Variants in EP300 observed in about 807,000 individuals in gnomAD.
EP300 encodes the protein EP300 lysine acetyltransferase, also known as histone acetyltransferase p300.
EP300 carries 31 observed loss-of-function variants against 264.0 expected under a neutral mutation model. That is an observed-to-expected ratio of 0.12 (90% CI 0.09 to 0.16). The LOEUF (loss-of-function observed/expected upper bound fraction) is 0.16, where lower values mean the gene tolerates loss of function less well. Ranked by LOEUF, EP300 falls within the 10% of genes least tolerant of loss-of-function variation. The pLI is 1.00. For missense variants in EP300, 2,766 were observed against 3,052.9 expected, an observed-to-expected ratio of 0.91 and a Z score of 2.21; for synonymous variants, 1,340 against 1,045.4, an observed-to-expected ratio of 1.28 and a Z score of -5.44.
intron 10 of EP300, among the ~76,000 whole-genome samples, chr22:41,146,165 ATT>A (rs130087): frequency 4.3e-5 from 6 of 139,066 alleles, no homozygotes; most frequent in Non-Finnish European, 6.2e-5. Context: ...GATGGCCTCA[ATT>A]TTTTTTTTTT....
intron 1 of EP300, among the ~76,000 whole-genome samples, chr22:41,106,903 C>A (rs1191757955): frequency 6.6e-6 from 1 of 152,004 alleles, no homozygotes; most frequent in Non-Finnish European, 1.5e-5. Context: ...GGCCTAAAAG[C>A]ATTTTTTTAT....
intron 6 of EP300, among the ~76,000 whole-genome samples, chr22:41,135,556 T>G (rs779754584): frequency 6.6e-6 from 1 of 151,892 alleles, no homozygotes; most frequent in Non-Finnish European, 1.5e-5. Flanking sequence ...CTGCGCCTGG[T>G]CACATTTGCT....
rs958598602 is a variant in EP300 at position 41,158,560 on chromosome 22, G to T, written c.3590+60G>T. ...GTCCACATGTCCAGGGAGTGCATGC[G>T]GATGGGCCAGCACACATACAGTCAT... On this transcript the variant is annotated intron_variant, in intron 19 of 30. Coordinates refer to ENST00000263253, the MANE Select transcript of EP300 (RefSeq NM_001429.4). The T allele has an allele frequency of 7.6e-6, 10 of 1,322,318 alleles. No homozygotes were observed. The Admixed American group carries it at 8.7e-5, about 12-fold the overall frequency. 81.9% of individuals were successfully genotyped at this position (1,322,318 alleles called of 1,614,324 possible).
At chr22:41,140,408 AC>A (rs1338411813) in intron 9 of EP300, 151 bp downstream of exon 9, 1 of 756,808 alleles carries the variant, frequency 1.3e-6, no homozygotes, top group Non-Finnish European at 2.4e-6. Flanking sequence ...TAGTTAGGAT[AC>A]CAAAGCAGTT....
At position 41,176,882 on chromosome 22, in the gene EP300, C is replaced by T. The variant is rs775304566; in HGVS notation, c.5171C>T (p.Thr1724Ile). ...DESNNQQAAA[T>I]QSPGDSRRLS... ...AGCAACAACCAGCAGGCTGCAGCCA[C>T]CCAGAGCCCAGGCGATTCTCGCCGC... is the stretch of plus-strand genomic sequence containing the variant. The change falls in exon 31 of 31, where the codon ACC (threonine) becomes ATC (isoleucine). Residue 1724 changes from threonine to isoleucine, a missense_variant. Coordinates refer to ENST00000263253, the MANE Select transcript of EP300 (RefSeq NM_001429.4). 6 of 1,614,136 alleles carry T rather than the reference C, an allele frequency of 3.7e-6. No homozygotes were observed. Among genetic ancestry groups the T allele is most frequent in the Non-Finnish European group, 5.1e-6 (6 of 1,179,988 alleles).
chr22:41,178,103 AGAACAT>A lies in EP300; in HGVS notation c.6396_6401del (p.Met2133_Asn2134del). On this transcript the variant is annotated inframe_deletion, in exon 31 of 31. Transcript: ENST00000263253. Reference sequence around the variant, plus strand: ...GGGGTCCACTCCAATCCAGCCATGCAGAACATGAATCCAATGCAGGCGGGCGTTCAG... The same window carrying A: ...GGGGTCCACTCCAATCCAGCCATGCAGAATCCAATGCAGGCGGGCGTTCAG... 6.2e-7 allele frequency: 1 copy of A among 1,614,114 alleles called. No individual in the cohort carries two copies. Among genetic ancestry groups the A allele is most frequent in the Non-Finnish European group, 8.5e-7 (1 of 1,179,988 alleles).
chr22:41,178,703 T>C lies in EP300; in HGVS notation c.6992T>C (p.Met2331Thr). ...CCCCACTCCAGTCCTTCCCCAAGGA[T>C]GCAGCCTCAGCCTTCTCCACACCAC... ...QPPHSSPSPRMQPQPSPHHVS... is the reference protein window; with the variant it reads ...QPPHSSPSPRTQPQPSPHHVS... The change falls in exon 31 of 31, where the codon ATG becomes ACG. Residue 2331 changes from methionine (M) to threonine (T), a missense_variant. Physicochemically the swap from Met to Thr is moderately conservative, Grantham distance 81 (BLOSUM62 -1). Transcript: ENST00000263253. 1.2e-6 allele frequency: 2 copies of C among 1,614,110 alleles called. No individual in the cohort carries two copies. Among genetic ancestry groups the C allele is most frequent in the Non-Finnish European group, 1.7e-6 (2 of 1,180,016 alleles).
chr22:41,160,571 C>A, intron 19 of EP300, 71 bp from the exon 20 acceptor site: 1 of 1,479,982 alleles, frequency 6.8e-7, no homozygotes, highest in Non-Finnish European at 9.4e-7. Flanking sequence ...TGATTGGTGG[C>A]TTCGTTGCTT....
chr22:41,123,189 A>G (rs1035270451), intron 2 of EP300, among the ~76,000 whole-genome samples: 2 of 152,176 alleles, frequency 1.3e-5, no homozygotes, highest in African/African-American at 4.8e-5. Context: ...ACCAACAGAA[A>G]ATGCCTCTCT....
chr22:41,118,889 C>G (rs1243358825), intron 2 of EP300, among the ~76,000 whole-genome samples: 1 of 151,364 alleles, frequency 6.6e-6, no homozygotes, highest in African/African-American at 2.4e-5. Flanking sequence ...ACTGAGGTGA[C>G]ATGTAGGAAT....
chr22:41,102,854 T>G (rs1322425060), intron 1 of EP300, among the ~76,000 whole-genome samples: 1 of 152,108 alleles, frequency 6.6e-6, no homozygotes, highest in Non-Finnish European at 1.5e-5. Flanking sequence ...GATGATTTAT[T>G]TATTATTTAT....
chr22:41,150,667 TC>T (rs1303854757), intron 14 of EP300, among the ~76,000 whole-genome samples: 5 of 152,054 alleles, frequency 3.3e-5, no homozygotes, highest in African/African-American at 1.2e-4. Context: ...GGCAGGCAGA[TC>T]ACTTGAGGTC....
chr22:41,128,258 C>A (rs1309073636), intron 4 of EP300, among the ~76,000 whole-genome samples: 1 of 152,092 alleles, frequency 6.6e-6, no homozygotes, highest in African/African-American at 2.4e-5. Flanking sequence ...AGTTCAAGAC[C>A]AGCCTGGGCA....
In EP300 at chr22:41,160,634, G is replaced by A. The variant is rs2145752284; in HGVS notation, c.3591-8G>A. ...CAGTTCACCCCAGTATGGCCTTCTT[G>A]CCGACAGGTATCATTTCTGTGAGAA... On this transcript the variant is annotated splice_polypyrimidine_tract_variant and splice_region_variant and intron_variant, in intron 19 of 30. Coordinates refer to ENST00000263253, the MANE Select transcript of EP300 (RefSeq NM_001429.4). The A allele has an allele frequency of 6.2e-7, 1 of 1,613,738 alleles. No individual in the cohort carries two copies.
intron 22 of EP300, among the ~76,000 whole-genome samples, chr22:41,166,018 C>G (rs1206283470): frequency 2.6e-5 from 4 of 152,126 alleles, no homozygotes; most frequent in African/African-American, 4.8e-5. Context: ...CTCCTGACCT[C>G]AAAAGATCCA....
At chr22:41,176,681 A>C in intron 30 of EP300, 92 bp from the exon 31 acceptor site, 5 of 1,612,482 alleles carry the variant, frequency 3.1e-6, no homozygotes, top group Non-Finnish European at 4.2e-6. Flanking sequence ...TTGTTCTACG[A>C]AAGGGGCTTT....
intron 19 of EP300, chr22:41,159,849 A>G: frequency 6.6e-6 from 1 of 151,808 alleles, no homozygotes; most frequent in African/African-American, 2.4e-5. Flanking sequence ...TTATTTTTGT[A>G]TTTTTAGTAG....
chr22:41,178,856 T>G lies in EP300; in HGVS notation c.7145T>G (p.Met2382Arg). Residue 2382 changes from methionine (M) to arginine (R), a missense_variant, in exon 31 of 31, where the codon ATG becomes AGG. Physicochemically the swap from Met to Arg is moderately conservative, Grantham distance 91. Transcript: ENST00000263253. Reference protein sequence around the residue: ...MLSQLASNPGMANLHGASATD... With the variant: ...MLSQLASNPGRANLHGASATD... ...TCTCAGCTTGCTAGCAATCCAGGCA[T>G]GGCAAACCTCCATGGTGCAAGCGCC... 1 of 1,614,202 alleles carries G rather than the reference T, an allele frequency of 6.2e-7. No homozygotes were observed. The highest frequency in any genetic ancestry group is 8.5e-7 in the Non-Finnish European group (1 of 1,180,030).
intron 1 of EP300, among the ~76,000 whole-genome samples, chr22:41,098,250 C>G (rs368250177): frequency 1.3e-5 from 2 of 152,138 alleles, no homozygotes; most frequent in African/African-American, 2.4e-5. Flanking sequence ...AATTACTGCT[C>G]ACTTTCCCAG....
Sources: gnomAD v4.1 joint callset for allele counts (sites outside exome capture counted in the v4.1 genomes callset) on GRCh38, gnomAD v4.1.1 for gene constraint, MANE v1.5 for transcripts, NCBI Gene and HGNC (gene_info 2026-07-23, HGNC 2026-07-21) for gene names.